The following TMEM236 variants were observed in gnomAD, a reference collection of about 807,000 sequenced individuals.
TMEM236 encodes transmembrane protein 236.
A neutral mutation model predicts 14.7 loss-of-function variants in TMEM236; 11 were observed. That is an observed-to-expected ratio of 0.75 (90% CI 0.47 to 1.24). The LOEUF (loss-of-function observed/expected upper bound fraction) is 1.24. Ranked by LOEUF, TMEM236 falls within the 50% of genes most tolerant of loss-of-function variation. The probability of loss-of-function intolerance (pLI) is 0.00; values close to 1 mark genes in which losing one functional copy is unlikely to be tolerated. For synonymous variants in TMEM236, 182 were observed against 168.6 expected (o/e 1.08, Z -0.62); for missense variants, 464 against 427.3 (o/e 1.09, Z -0.76).
intron 3 of TMEM236, among the ~76,000 whole-genome samples, chr10:17,795,559 A>G (rs952243504): frequency 3.3e-5 from 5 of 152,192 alleles, no homozygotes; most frequent in East Asian, 1.9e-4. Context: ...CTCCACCTCT[A>G]TGTTTTTTCA....
chr10:17,798,376 A>G lies in TMEM236; in HGVS notation c.*1872A>G. The G allele has an allele frequency of 2.8e-6, 1 of 358,500 alleles. No individual in the cohort carries two copies. Among genetic ancestry groups the G allele is most frequent in the East Asian group, 7.4e-5 (1 of 13,560 alleles). The allele number at this position is 358,500 out of a possible 1,614,324, so 22.2% of individuals were successfully genotyped here. ...CAACATGGAGAGATTCTACCTCTAC[A>G]AAAAATACAAAAATTAGCTGGGCAT... On this transcript the variant is annotated 3_prime_UTR_variant, in exon 4 of 4. Transcript: ENST00000377495.
chr10:17,796,680 T>C lies in TMEM236; in HGVS notation c.*176T>C. The C allele has an allele frequency of 1.6e-6, 1 of 620,282 alleles. No homozygotes were observed. Among genetic ancestry groups the C allele is most frequent in the Non-Finnish European group, 2.8e-6 (1 of 356,588 alleles). 38.4% of individuals were successfully genotyped at this position (620,282 alleles called of 1,614,324 possible). On this transcript the variant is annotated 3_prime_UTR_variant, in exon 4 of 4. Coordinates refer to ENST00000377495, the MANE Select transcript of TMEM236 (RefSeq NM_001098844.3). ...TTTTTTTTTTTACATATACAAATGG[T>C]GCTAAATTTAAGTAAAGTAATATTC...
At chr10:17,762,352 C>T (rs889956903) in intron 1 of TMEM236, among the ~76,000 whole-genome samples, 2 of 151,544 alleles carry the variant, frequency 1.3e-5, no homozygotes, top group South Asian at 4.2e-4. Context: ...TTTAATGCCT[C>T]GATATTATCT....
chr10:17,768,889 AT>A (rs1468985536), intron 1 of TMEM236, among the ~76,000 whole-genome samples: 5 of 152,088 alleles, frequency 3.3e-5, no homozygotes, highest in South Asian at 2.1e-4. Context: ...TTCATCAAAG[AT>A]TTTTTTAAAT....
At chr10:17,758,630 T>C (rs947575418) in intron 1 of TMEM236, among the ~76,000 whole-genome samples, 19 of 152,252 alleles carry the variant, frequency 1.2e-4, no homozygotes, top group African/African-American at 4.6e-4. Context: ...TAATCATTCA[T>C]TGAATATAAG....
chr10:17,792,244 T>C (rs1312268426), intron 3 of TMEM236, among the ~76,000 whole-genome samples: 1 of 152,172 alleles, frequency 6.6e-6, no homozygotes, highest in Non-Finnish European at 1.5e-5. Context: ...TGCACCAATG[T>C]GCCCGGCTAA....
chr10:17,774,824 T>TC (rs1554835067), intron 2 of TMEM236, among the ~76,000 whole-genome samples: 6 of 58,212 alleles, frequency 1.0e-4, no homozygotes, highest in Non-Finnish European at 1.5e-4. Context: ...CTCTCTCTCT[T>TC]TCTCTCACTC....
At chr10:17,793,163 T>C (rs1210005217) in intron 3 of TMEM236, among the ~76,000 whole-genome samples, 1 of 152,220 alleles carries the variant, frequency 6.6e-6, no homozygotes, top group African/African-American at 2.4e-5. Flanking sequence ...CATACACATG[T>C]ATCTCATTAA....
chr10:17,770,643 A>G (rs944851119), intron 1 of TMEM236, among the ~76,000 whole-genome samples: 2 of 152,336 alleles, frequency 1.3e-5, no homozygotes, highest in South Asian at 4.1e-4. Context: ...TTGGCCTCCC[A>G]AAATGCTGGG....
intron 3 of TMEM236, 113 bp from the exon 4 acceptor site, chr10:17,795,808 A>C: frequency 8.8e-7 from 1 of 1,133,584 alleles, no homozygotes; most frequent in Non-Finnish European, 1.3e-6. Flanking sequence ...TAAGTGAAAA[A>C]CAAAAGAATA....
At chr10:17,764,179 C>A (rs1589141213) in intron 1 of TMEM236, among the ~76,000 whole-genome samples, 1 of 152,160 alleles carries the variant, frequency 6.6e-6, no homozygotes, top group Admixed American at 6.5e-5. Context: ...TCATCTGATC[C>A]TTTCCACCCA....
intron 1 of TMEM236, among the ~76,000 whole-genome samples, chr10:17,759,534 A>C (rs1217252557): frequency 6.6e-6 from 1 of 152,220 alleles, no homozygotes; most frequent in Non-Finnish European, 1.5e-5. Context: ...GCTTTAGGTA[A>C]CGGTGGTGGT....
At chr10:17,790,762 T>A (rs1837912817) in intron 3 of TMEM236, among the ~76,000 whole-genome samples, 1 of 152,216 alleles carries the variant, frequency 6.6e-6, no homozygotes, top group South Asian at 2.1e-4. Flanking sequence ...CATTTTTAGA[T>A]TCCTCTAACC....
At chr10:17,773,360 G>A (rs1837605612) in intron 2 of TMEM236, among the ~76,000 whole-genome samples, 1 of 152,148 alleles carries the variant, frequency 6.6e-6, no homozygotes, top group African/African-American at 2.4e-5. Flanking sequence ...TGGAGACAGA[G>A]TCTTTCTCTG....
chr10:17,758,572 T>G (rs1837313590), intron 1 of TMEM236, among the ~76,000 whole-genome samples: 1 of 152,246 alleles, frequency 6.6e-6, no homozygotes, highest in South Asian at 2.1e-4. Flanking sequence ...TTAAGAAATT[T>G]CATAAGATCA....
intron 1 of TMEM236, among the ~76,000 whole-genome samples, chr10:17,758,024 C>A (rs1396791925): frequency 1.3e-5 from 2 of 152,160 alleles, no homozygotes; most frequent in East Asian, 3.9e-4. Flanking sequence ...CCACTTTGGT[C>A]TCCCAAAGTG....
rs1449418221 is a variant in TMEM236, at chr10:17,800,118, C to G, written c.*3614C>G. 9 of 150,714 alleles carry G rather than the reference C, an allele frequency of 6.0e-5. No individual in the cohort carries two copies. Among genetic ancestry groups the G allele is most frequent in the Admixed American group, 6.0e-4 (9 of 15,110 alleles). 9.3% of individuals were successfully genotyped at this position (150,714 alleles called of 1,614,324 possible). ...AAAGTGGTGGTGCATGCCTGTAATC[C>G]CAGCTACTCGGGAGGCTGAATCAGA... On this transcript the variant is annotated 3_prime_UTR_variant, in exon 4 of 4. Coordinates refer to ENST00000377495, the MANE Select transcript of TMEM236 (RefSeq NM_001098844.3).
At position 17,799,104 on chromosome 10, in the gene TMEM236, A is replaced by G. The variant is rs1214820086; in HGVS notation, c.*2600A>G. 3 of 176,302 alleles carry G rather than the reference A, an allele frequency of 1.7e-5. No homozygotes were observed. Among genetic ancestry groups the G allele is most frequent in the Admixed American group, 5.5e-5 (1 of 18,348 alleles). 10.9% of individuals were successfully genotyped at this position (176,302 alleles called of 1,614,324 possible). A position where few individuals can be genotyped will look rare whatever the true frequency, so the allele number is the denominator to read the frequency against. On this transcript the variant is annotated 3_prime_UTR_variant, in exon 4 of 4. Transcript: ENST00000377495. ...AAATGGACACAAGCCTTCATTCATC[A>G]GACATTTGAGTGTCTGTCCTCTGAG... is the stretch of plus-strand genomic sequence containing the variant.
At position 17,785,380 on chromosome 10, in the gene TMEM236, A is replaced by G. The variant is rs1837817752; in HGVS notation, c.472+9210A>G. The stretch of plus-strand genomic sequence containing the variant: ...ATGCCCACTCTGAGAACCTCTTACT[A>G]TAGAAAGTGCTAGGAGCTGTCATAA... On this transcript the variant is annotated intron_variant, in intron 3 of 3. Coordinates refer to ENST00000377495, the MANE Select transcript of TMEM236 (RefSeq NM_001098844.3). 2.6e-5 allele frequency among the ~76,000 whole-genome samples: 4 copies of G among 152,318 alleles called. 1 individual carries two copies. Among genetic ancestry groups the G allele is most frequent in the South Asian group, 4.1e-4 (2 of 4,822 alleles).
Sources: gnomAD v4.1 joint callset for allele counts (sites outside exome capture counted in the v4.1 genomes callset) on GRCh38, gnomAD v4.1.1 for gene constraint, MANE v1.5 for transcripts, NCBI Gene and HGNC (gene_info 2026-07-23, HGNC 2026-07-21) for gene names.